NF2: variants seen among roughly 807,000 people sequenced by gnomAD.
NF2 encodes NF2, moesin-ezrin-radixin like (MERLIN) tumor suppressor.
A neutral mutation model predicts 83.7 loss-of-function variants in NF2; 8 were observed. The ratio of observed to expected loss-of-function variants is 0.10; its 90% CI spans 0.06 to 0.17. NF2 has a LOEUF of 0.17. Among genes scored for constraint, NF2 ranks in the 10% least tolerant of loss-of-function variants. NF2 has a pLI of 1.00. For synonymous variants in NF2, 266 were observed against 269.6 expected (o/e 0.99, Z 0.13); for missense variants, 533 against 744.4 (o/e 0.72, Z 3.31).
rs906152484 is a variant in NF2, at chr22:29,696,428, A to C, written c.*1626A>C. ...TTCCAGTTTGGCTGTTATGCAAAGC[A>C]GGTGATTTGTCTTAATCAGATAAAA... On this transcript the variant is annotated 3_prime_UTR_variant, in exon 16 of 16. Transcript: ENST00000338641. 9.0e-6 allele frequency: 2 copies of C among 221,618 alleles called. No homozygotes were observed. Among genetic ancestry groups the C allele is most frequent in the African/African-American group, 2.2e-5 (1 of 44,664 alleles). 13.7% of individuals were successfully genotyped at this position (221,618 alleles called of 1,614,324 possible).
chr22:29,673,251 G>A lies in NF2; in HGVS notation c.1123-18G>A, dbSNP rs1439195208. ...CAGCACATGATCCCACTTCAGCTAA[G>A]AGCACTGTGCCCTCCAGATGCGGTC... is the stretch of plus-strand genomic sequence containing the variant. On this transcript the variant is annotated intron_variant, in intron 11 of 15. Transcript: ENST00000338641. 2 of 1,556,692 alleles carry A rather than the reference G, an allele frequency of 1.3e-6. No homozygotes were observed. Among genetic ancestry groups the A allele is most frequent in the Non-Finnish European group, 8.7e-7 (1 of 1,149,334 alleles).
intron 1 of NF2, among the ~76,000 whole-genome samples, chr22:29,621,241 T>C (rs570111825): frequency 4.6e-5 from 7 of 152,316 alleles, no homozygotes; most frequent in Admixed American, 1.3e-4. Flanking sequence ...ATTACAAGCA[T>C]AGACTTCAGA....
At chr22:29,678,102 C>T in intron 13 of NF2, 94 bp from the exon 14 acceptor site, 2 of 1,564,090 alleles carry the variant, frequency 1.3e-6, no homozygotes, top group African/African-American at 2.7e-5. Flanking sequence ...GTGCCCATTG[C>T]CTCTGTGGCT....
chr22:29,634,860 C>T (rs2065606382), intron 1 of NF2, among the ~76,000 whole-genome samples: 2 of 152,104 alleles, frequency 1.3e-5, no homozygotes, highest in Non-Finnish European at 2.9e-5. Flanking sequence ...TGGATGTGCC[C>T]ATTACTCAGC....
At chr22:29,674,764 A>G (rs2066909070) in intron 12 of NF2, 72 bp from the exon 13 acceptor site, 1 of 1,359,494 alleles carries the variant, frequency 7.4e-7, no homozygotes, top group South Asian at 1.3e-5. Flanking sequence ...CCTCCTCTGC[A>G]GGGGTGGGGT....
intron 8 of NF2, among the ~76,000 whole-genome samples, chr22:29,664,479 T>C (rs2066562669): frequency 6.6e-6 from 1 of 152,188 alleles, no homozygotes; most frequent in Non-Finnish European, 1.5e-5. Context: ...GCCTTTTAGC[T>C]ACCCTGTTGG....
chr22:29,628,144 G>C (rs1569274858), intron 1 of NF2, among the ~76,000 whole-genome samples: 1 of 102,098 alleles, frequency 9.8e-6, no homozygotes, highest in African/African-American at 4.1e-5. Flanking sequence ...CTTAATCTGT[G>C]TGTGTGTGTG....
chr22:29,665,940 A>G (rs2066610311), intron 9 of NF2, among the ~76,000 whole-genome samples: 1 of 152,078 alleles, frequency 6.6e-6, no homozygotes, highest in South Asian at 2.1e-4. Context: ...TATATGGCAA[A>G]AGAAAAATAC....
intron 8 of NF2, among the ~76,000 whole-genome samples, chr22:29,662,883 C>T (rs558111318): frequency 6.6e-6 from 1 of 152,346 alleles, no homozygotes; most frequent in Non-Finnish European, 1.5e-5. Context: ...CCTGCACAGC[C>T]AGGACACAGA....
Position 29,608,700 on chromosome 22 carries a change from A to T in NF2, c.114+4588A>T, listed in dbSNP as rs139188384. On this transcript the variant is annotated intron_variant, in intron 1 of 15. Coordinates refer to ENST00000338641, the MANE Select transcript of NF2 (RefSeq NM_000268.4). ...GAAAAAAAAAAAAAAGATGTGAAAC[A>T]CATACAAAAAAAAGTAAAATGGCAG... 8.4e-4 allele frequency among the ~76,000 whole-genome samples: 128 copies of T among 152,026 alleles called. 1 individual carries two copies. The East Asian group carries it at 0.024, about 28-fold the overall frequency.
chr22:29,667,848 A>T (rs2066669470), intron 9 of NF2, among the ~76,000 whole-genome samples: 1 of 152,054 alleles, frequency 6.6e-6, no homozygotes, highest in Admixed American at 6.6e-5. Flanking sequence ...GATCATAAAG[A>T]TATTCTTCTA....
intron 1 of NF2, among the ~76,000 whole-genome samples, chr22:29,624,811 TTC>T (rs906192214): frequency 1.3e-5 from 1 of 79,668 alleles, no homozygotes; most frequent in African/African-American, 5.3e-5. Flanking sequence ...CTTTCTTTCT[TTC>T]TTTCTTTCTT....
intron 14 of NF2, among the ~76,000 whole-genome samples, chr22:29,680,916 C>T (rs140295499): frequency 2.1e-3 from 311 of 149,838 alleles, no homozygotes; most frequent in African/African-American, 7.1e-3. Flanking sequence ...GGAGATTGTT[C>T]TGGGTTCCCA....
intron 10 of NF2, among the ~76,000 whole-genome samples, chr22:29,668,768 C>CT (rs1274768989): frequency 6.6e-6 from 1 of 152,174 alleles, no homozygotes; most frequent in Non-Finnish European, 1.5e-5. Context: ...AGCTTGCTTT[C>CT]TTTTTTTGCC....
chr22:29,642,619 C>T (rs888939941), intron 4 of NF2, among the ~76,000 whole-genome samples: 1 of 151,622 alleles, frequency 6.6e-6, no homozygotes, highest in Non-Finnish European at 1.5e-5. Context: ...ATGACATTTA[C>T]TGGAAAAACC....
Position 29,694,716 on chromosome 22 carries a change from T to C in NF2, c.1738-36T>C, listed in dbSNP as rs2147171395. Reference sequence around the variant, plus strand: ...GACCCTGTGTGACAGAGCGGAGGTCTTGTGCCCTCTCAGCTTCTTCTCTGC... The same window carrying C: ...GACCCTGTGTGACAGAGCGGAGGTCCTGTGCCCTCTCAGCTTCTTCTCTGC... On this transcript the variant is annotated intron_variant, in intron 15 of 15. Coordinates refer to ENST00000338641, the MANE Select transcript of NF2 (RefSeq NM_000268.4). This position sits in a 1 kb window ranked among gnomAD's most constrained non-coding sequence, Gnocchi z 4.1. 1.2e-6 allele frequency: 2 copies of C among 1,610,680 alleles called. No homozygotes were observed. The highest frequency in any genetic ancestry group is 1.1e-5 in the South Asian group (1 of 90,396).
At chr22:29,644,321 T>G in intron 4 of NF2, among the ~76,000 whole-genome samples, 8 of 108,188 alleles carry the variant, frequency 7.4e-5, no homozygotes, top group South Asian at 3.4e-4. Context: ...TCCCAGACGA[T>G]GGGCGGCCGG....
At chr22:29,642,122 G>A (rs367634239) in intron 3 of NF2, 80 bp from the exon 4 acceptor site, 44 of 1,171,686 alleles carry the variant, frequency 3.8e-5, no homozygotes, top group South Asian at 2.2e-4. Flanking sequence ...TTAGAACGCC[G>A]TGAGGCCATC....
intron 15 of NF2, among the ~76,000 whole-genome samples, chr22:29,692,574 C>A (rs922147570): frequency 6.6e-6 from 1 of 152,208 alleles, no homozygotes; most frequent in African/African-American, 2.4e-5. Context: ...AGGAGCCTCT[C>A]AAGGCCCCCA....
Sources: allele counts gnomAD v4.1 joint callset (sites outside exome capture counted in the v4.1 genomes callset), GRCh38; gene constraint gnomAD v4.1.1; non-coding constraint Gnocchi (gnomAD v3.1); transcripts MANE v1.5; gene names NCBI Gene and HGNC (gene_info 2026-07-23, HGNC 2026-07-21).